Variants in OGDH observed in about 807,000 individuals in gnomAD.
OGDH encodes 2-oxoglutarate dehydrogenase complex component E1.
OGDH carries 38 observed loss-of-function variants against 116.6 expected under a neutral mutation model. The ratio of observed to expected loss-of-function variants is 0.33; its 90% confidence interval spans 0.25 to 0.43. The LOEUF is 0.43. Among genes scored for constraint, OGDH ranks in the 20% least tolerant of loss-of-function variants. OGDH has a pLI of 1.00. For synonymous variants in OGDH, 488 were observed against 533.3 expected (o/e 0.92, Z 1.17); for missense variants, 825 against 1,357.2 (o/e 0.61, Z 6.16).
At chr7:44,650,789 G>A (rs1258580272) in intron 4 of OGDH, among the ~76,000 whole-genome samples, 1 of 152,236 alleles carries the variant, frequency 6.6e-6, no homozygotes, top group Non-Finnish European at 1.5e-5. Flanking sequence ...GGCAGTAGAA[G>A]GGGATAGGCT....
chr7:44,645,920 TAC>T (rs944940487), intron 3 of OGDH, among the ~76,000 whole-genome samples: 30 of 152,244 alleles, frequency 2.0e-4, no homozygotes, highest in African/African-American at 7.0e-4. Flanking sequence ...AACAACTGAA[TAC>T]TATAAGAGAA....
chr7:44,689,668 G>T (rs1483791906), intron 10 of OGDH, among the ~76,000 whole-genome samples: 2 of 152,020 alleles, frequency 1.3e-5, no homozygotes. Context: ...CTAATGATGT[G>T]TGTGTCTTTT....
At chr7:44,639,905 G>GT (rs35996903) in intron 2 of OGDH, among the ~76,000 whole-genome samples, 1 of 152,218 alleles carries the variant, frequency 6.6e-6, no homozygotes, top group East Asian at 1.9e-4. Context: ...GTATGAACCA[G>GT]TTTTTTTCTG....
intron 4 of OGDH, among the ~76,000 whole-genome samples, chr7:44,659,197 T>C (rs1167967547): frequency 6.6e-6 from 1 of 152,240 alleles, no homozygotes; most frequent in East Asian, 1.9e-4. Flanking sequence ...GATTTAATGC[T>C]AATGTCGTGG....
Position 44,697,258 on chromosome 7 carries a change from C to G in OGDH, c.2052-112C>G. On this transcript the variant is annotated intron_variant, in intron 15 of 22. Coordinates refer to ENST00000222673, the MANE Select transcript of OGDH (RefSeq NM_002541.4). This position sits in a 1 kb window ranked among gnomAD's most constrained non-coding sequence, Gnocchi z 6.0. ...TGGGGCCGACCCTGCAGCTGCCTGGCCAGAAGTCCAGGTCACAGAGCATGG... is the reference window on the plus strand; with the variant it reads ...TGGGGCCGACCCTGCAGCTGCCTGGGCAGAAGTCCAGGTCACAGAGCATGG... 1.3e-6 allele frequency: 2 copies of G among 1,502,016 alleles called. No homozygotes were observed. Among genetic ancestry groups the G allele is most frequent in the Non-Finnish European group, 1.8e-6 (2 of 1,099,620 alleles). 93.0% of individuals were successfully genotyped at this position (1,502,016 alleles called of 1,614,324 possible).
intron 1 of OGDH, among the ~76,000 whole-genome samples, chr7:44,615,296 T>TG (rs1012118539): frequency 6.6e-6 from 1 of 152,120 alleles, no homozygotes; most frequent in African/African-American, 2.4e-5. Flanking sequence ...GTGCGGTGTC[T>TG]GGGGGGAGGG....
At position 44,701,574 on chromosome 7, in the gene OGDH, G is replaced by A. The variant is rs1788831795; in HGVS notation, c.2591G>A (p.Arg864His). 6.2e-7 allele frequency: 1 copy of A among 1,614,084 alleles called. No individual in the cohort carries two copies. The highest frequency in any genetic ancestry group is 8.5e-7 in the Non-Finnish European group (1 of 1,180,000). The change falls in exon 20 of 23, where the codon CGC (arginine) becomes CAC (histidine). Residue 864 changes from arginine (R) to histidine (H), a missense_variant. Transcript: ENST00000222673. Reference sequence around the variant, plus strand: ...ATCTTCACCCCCAAATCCCTGTTGCGCCACCCCGAGGCCAGATCCAGCTTT... The same window carrying A: ...ATCTTCACCCCCAAATCCCTGTTGCACCACCCCGAGGCCAGATCCAGCTTT... Reference protein sequence around the residue: ...LIIFTPKSLLRHPEARSSFDE... With the variant: ...LIIFTPKSLLHHPEARSSFDE...
chr7:44,664,021 G>GT (rs2116020614), intron 4 of OGDH, among the ~76,000 whole-genome samples: 1 of 152,120 alleles, frequency 6.6e-6, no homozygotes, highest in African/African-American at 2.4e-5. Context: ...TCATCATGGT[G>GT]TTGATGTCTG....
At chr7:44,653,863 A>T (rs1010035349) in intron 4 of OGDH, among the ~76,000 whole-genome samples, 78 of 141,034 alleles carry the variant, frequency 5.5e-4, no homozygotes, top group African/African-American at 1.8e-3. Context: ...ATTTTATTTT[A>T]TTTTTTTTTG....
intron 2 of OGDH, among the ~76,000 whole-genome samples, chr7:44,629,786 G>A (rs1247324977): frequency 6.6e-6 from 1 of 151,978 alleles, no homozygotes; most frequent in Non-Finnish European, 1.5e-5. Flanking sequence ...CACCATGTTG[G>A]CCAGGCTGGT....
rs1454822998 is a variant in OGDH, at chr7:44,707,832, C to T, written c.2952-47C>T. ...CATGCAGCAGAGGGATGGGCTGGGC[C>T]AACTCAGTGTCCCCTGCCCTCACTG... On this transcript the variant is annotated intron_variant, in intron 22 of 22. Coordinates refer to ENST00000222673, the MANE Select transcript of OGDH (RefSeq NM_002541.4). This position sits in a 1 kb window ranked among gnomAD's most constrained non-coding sequence, Gnocchi z 5.2. 5.0e-6 allele frequency: 8 copies of T among 1,608,220 alleles called. No individual in the cohort carries two copies. The highest frequency in any genetic ancestry group is 6.8e-6 in the Non-Finnish European group (8 of 1,177,000).
chr7:44,706,798 T>A (rs972101957), intron 20 of OGDH, among the ~76,000 whole-genome samples: 3 of 149,912 alleles, frequency 2.0e-5, no homozygotes, highest in African/African-American at 7.4e-5. Context: ...TTTTTTGTAT[T>A]TTTTTAGTAG....
chr7:44,647,389 C>G, intron 3 of OGDH: 1 of 1,237,522 alleles, frequency 8.1e-7, no homozygotes, highest in Non-Finnish European at 1.1e-6. Flanking sequence ...CTCTTTTAAC[C>G]CTCCCCACAG....
At chr7:44,680,610 A>AC (rs1177341719) in intron 9 of OGDH, among the ~76,000 whole-genome samples, 1 of 152,206 alleles carries the variant, frequency 6.6e-6, no homozygotes, top group African/African-American at 2.4e-5. Flanking sequence ...GCATATGCAC[A>AC]CATGTATTTT....
At chr7:44,616,509 C>T (rs997881730) in intron 1 of OGDH, among the ~76,000 whole-genome samples, 1 of 151,870 alleles carries the variant, frequency 6.6e-6, no homozygotes, top group Admixed American at 6.6e-5. Flanking sequence ...TTGGAAGTTA[C>T]CAGTTGACCG....
chr7:44,610,990 G>A (rs187806201), intron 1 of OGDH, among the ~76,000 whole-genome samples: 6 of 151,746 alleles, frequency 4.0e-5, no homozygotes, highest in African/African-American at 1.2e-4. Context: ...TTTATCTTTT[G>A]TTAGATTGCT....
chr7:44,614,421 G>A (rs188610048), intron 1 of OGDH, among the ~76,000 whole-genome samples: 1 of 151,172 alleles, frequency 6.6e-6, no homozygotes, highest in East Asian at 2.0e-4. Flanking sequence ...TGCCAGATTT[G>A]GGAGATTTGT....
At position 44,697,240 on chromosome 7, in the gene OGDH, G is replaced by C; in HGVS notation, c.2052-130G>C. 2.0e-6 allele frequency: 3 copies of C among 1,472,794 alleles called. No homozygotes were observed. The South Asian group carries it at 3.8e-5, about 19-fold the overall frequency. 91.2% of individuals were successfully genotyped at this position (1,472,794 alleles called of 1,614,324 possible). On this transcript the variant is annotated intron_variant, in intron 15 of 22. Coordinates refer to ENST00000222673, the MANE Select transcript of OGDH (RefSeq NM_002541.4). The surrounding 1 kb of genome is among the most constrained non-coding windows in gnomAD (Gnocchi z 6.0). ...CTTCTGTTAAGACCTGGGTGGGGCC[G>C]ACCCTGCAGCTGCCTGGCCAGAAGT...
At chr7:44,689,392 C>CCTTTT (rs1788275402) in intron 10 of OGDH, among the ~76,000 whole-genome samples, 1 of 71,220 alleles carries the variant, frequency 1.4e-5, no homozygotes, top group African/African-American at 5.9e-5. Flanking sequence ...ATTTTTTTTT[C>CCTTTT]TTTTTTTTTT....
Sources: allele counts gnomAD v4.1 joint callset (sites outside exome capture counted in the v4.1 genomes callset), GRCh38; gene constraint gnomAD v4.1.1; non-coding constraint Gnocchi (gnomAD v3.1); transcripts MANE v1.5; gene names NCBI Gene and HGNC (gene_info 2026-07-23, HGNC 2026-07-21).